Variants in PCSK5 observed in about 807,000 individuals in gnomAD.
The protein encoded by PCSK5 is prohormone convertase 5.
A neutral mutation model predicts 233.2 loss-of-function variants in PCSK5; 129 were observed. The observed-to-expected ratio is 0.55, with a 90% CI of 0.48 to 0.64. PCSK5 has a LOEUF of 0.64. Among genes scored for constraint, PCSK5 ranks in the 30% least tolerant of loss-of-function variants. The probability of loss-of-function intolerance (pLI) is 0.00; values close to 1 mark genes in which losing one functional copy is unlikely to be tolerated. For synonymous variants in PCSK5, 825 were observed against 879.2 expected (o/e 0.94, Z 1.09); for missense variants, 2,076 against 2,430.1 (o/e 0.85, Z 3.06).
intron 1 of PCSK5, among the ~76,000 whole-genome samples, chr9:75,903,231 T>C (rs1206371642): frequency 6.6e-6 from 1 of 152,184 alleles, no homozygotes; most frequent in Non-Finnish European, 1.5e-5. Context: ...AATGAGTCTT[T>C]AAAATTATTT....
chr9:76,109,277 C>A (rs1460674045), intron 9 of PCSK5, among the ~76,000 whole-genome samples: 1 of 151,918 alleles, frequency 6.6e-6, no homozygotes, highest in African/African-American at 2.4e-5. Context: ...ATGTTTCTGT[C>A]CACAAAATAT....
rs149238016 is a variant in PCSK5, at chr9:76,007,882, T to C, written c.412-15856T>C. 4.7e-3 allele frequency among the ~76,000 whole-genome samples: 719 copies of C among 151,702 alleles called. 6 individuals carry two copies. The highest frequency in any genetic ancestry group is 7.3e-3 in the Non-Finnish European group (493 of 67,938). On this transcript the variant is annotated intron_variant, in intron 3 of 37. Transcript: ENST00000674117. ...AAAAAAATACAACATGGTTTAGCCA[T>C]GTTGCCCAGGCTAGTCTCAAACTCC...
At chr9:76,065,261 A>G (rs569617657) in intron 5 of PCSK5, among the ~76,000 whole-genome samples, 1 of 152,118 alleles carries the variant, frequency 6.6e-6, no homozygotes, top group South Asian at 2.1e-4. Context: ...CATTCCCACC[A>G]GCAGTGTTCT....
intron 32 of PCSK5, among the ~76,000 whole-genome samples, chr9:76,324,860 A>G (rs1052418372): frequency 6.6e-6 from 1 of 151,992 alleles, no homozygotes; most frequent in Admixed American, 6.6e-5. Flanking sequence ...CCCCAAGCAA[A>G]CACGACAAGA....
intron 7 of PCSK5, among the ~76,000 whole-genome samples, chr9:76,075,075 C>T (rs964625836): frequency 4.6e-5 from 7 of 152,110 alleles, no homozygotes; most frequent in Admixed American, 3.9e-4. Flanking sequence ...CAAAAATTAG[C>T]TGGGTGTGGT....
chr9:76,224,579 C>T (rs1003727038), intron 20 of PCSK5, among the ~76,000 whole-genome samples: 1 of 152,132 alleles, frequency 6.6e-6, no homozygotes, highest in African/African-American at 2.4e-5. Context: ...AAGGGATAAT[C>T]GCACAGTGAC....
chr9:76,339,092 A>G (rs1049946780), intron 35 of PCSK5, among the ~76,000 whole-genome samples: 2 of 150,186 alleles, frequency 1.3e-5, no homozygotes, highest in East Asian at 1.9e-4. Context: ...GGTCACCCCA[A>G]CTCTCAATCT....
chr9:76,189,066 C>T lies in PCSK5; in HGVS notation c.2381-28C>T, dbSNP rs763474004. 1.9e-5 allele frequency: 31 copies of T among 1,607,544 alleles called. No individual in the cohort carries two copies. The East Asian group carries it at 3.8e-4, about 20-fold the overall frequency. On this transcript the variant is annotated intron_variant, in intron 18 of 37. Coordinates refer to ENST00000674117, the MANE Select transcript of PCSK5 (RefSeq NM_001372043.1). ...CCACCTCCTCTGAGGTTTTATTTCT[C>T]GTTTCCTGTGTTTGTCTTGCTTTTA...
intron 35 of PCSK5, among the ~76,000 whole-genome samples, chr9:76,341,459 C>T (rs1587354477): frequency 6.6e-6 from 1 of 151,966 alleles, no homozygotes; most frequent in Admixed American, 6.5e-5. Flanking sequence ...TTTTTTTAAA[C>T]TTTATTTTAT....
intron 24 of PCSK5, among the ~76,000 whole-genome samples, chr9:76,266,977 C>G (rs1335907668): frequency 6.6e-6 from 1 of 152,174 alleles, no homozygotes; most frequent in Non-Finnish European, 1.5e-5. Context: ...CTTCCCCATT[C>G]AGAGGTGCTA....
Position 76,096,120 on chromosome 9 carries a change from G to GC in PCSK5, c.1107+21dup. 6.4e-7 allele frequency: 1 copy of GC among 1,557,666 alleles called. No homozygotes were observed. Among genetic ancestry groups the GC allele is most frequent in the Non-Finnish European group, 8.9e-7 (1 of 1,129,604 alleles). ...AGAAAATCGTACGTGACATGTGCATGCCCATCATGATCTGTTTATTTAATG... is the reference window on the plus strand; with the variant it reads ...AGAAAATCGTACGTGACATGTGCATGCCCCATCATGATCTGTTTATTTAATG... On this transcript the variant is annotated intron_variant, in intron 8 of 37. Coordinates refer to ENST00000674117, the MANE Select transcript of PCSK5 (RefSeq NM_001372043.1).
At chr9:76,289,504 CACACACGCAACAT>C (rs1828209175) in intron 24 of PCSK5, among the ~76,000 whole-genome samples, 5 of 131,972 alleles carry the variant, frequency 3.8e-5, no homozygotes, top group African/African-American at 1.2e-4. Context: ...CACACACACA[CACACACGCAACAT>C]ACACACACAC....
intron 24 of PCSK5, among the ~76,000 whole-genome samples, chr9:76,272,132 T>G (rs891247728): frequency 8.5e-5 from 13 of 152,180 alleles, no homozygotes; most frequent in African/African-American, 3.1e-4. Context: ...AGTGTGTACG[T>G]AGAGTACACA....
chr9:76,012,418 G>A (rs996268286), intron 3 of PCSK5, among the ~76,000 whole-genome samples: 1 of 152,206 alleles, frequency 6.6e-6, no homozygotes, highest in African/African-American at 2.4e-5. Context: ...TGACTGCAAA[G>A]TATGGGAGGC....
At chr9:75,963,022 C>T (rs1048600718) in intron 2 of PCSK5, among the ~76,000 whole-genome samples, 1 of 152,194 alleles carries the variant, frequency 6.6e-6, no homozygotes, top group Non-Finnish European at 1.5e-5. Flanking sequence ...ATAATAATGT[C>T]ATTTACATGA....
chr9:76,308,411 C>T (rs528464963), intron 28 of PCSK5, among the ~76,000 whole-genome samples: 1 of 152,210 alleles, frequency 6.6e-6, no homozygotes, highest in South Asian at 2.1e-4. Context: ...ACCACACATT[C>T]GTGTGGTATC....
chr9:75,925,363 C>A (rs902096313), intron 1 of PCSK5, among the ~76,000 whole-genome samples: 4 of 152,172 alleles, frequency 2.6e-5, no homozygotes, highest in Non-Finnish European at 5.9e-5. Flanking sequence ...ACTGTTATTT[C>A]GAGTTCCTCA....
chr9:76,352,013 G>A (rs1435128353), intron 36 of PCSK5, among the ~76,000 whole-genome samples: 1 of 152,140 alleles, frequency 6.6e-6, no homozygotes, highest in African/African-American at 2.4e-5. Flanking sequence ...GAGGGTTCTT[G>A]GATCTCACAC....
chr9:76,302,680 G>T (rs962480934), intron 28 of PCSK5, among the ~76,000 whole-genome samples: 1 of 152,080 alleles, frequency 6.6e-6, no homozygotes, highest in Non-Finnish European at 1.5e-5. Flanking sequence ...AAAGGAAGAG[G>T]TTCTTTCTGT....
Sources: allele counts gnomAD v4.1 joint callset (sites outside exome capture counted in the v4.1 genomes callset), GRCh38; gene constraint gnomAD v4.1.1; transcripts MANE v1.5; gene names NCBI Gene and HGNC (gene_info 2026-07-23, HGNC 2026-07-21).